MDGA2: variants seen among roughly 807,000 people sequenced by gnomAD.
The protein encoded by MDGA2 is MAM domain containing glycosylphosphatidylinositol anchor 2, also known as MAM domain-containing glycosylphosphatidylinositol anchor protein 2.
A neutral mutation model predicts 117.8 loss-of-function variants in MDGA2; 40 were observed. The ratio of observed to expected loss-of-function variants is 0.34; its 90% CI spans 0.26 to 0.44. The LOEUF (loss-of-function observed/expected upper bound fraction) is 0.44. Among genes scored for constraint, MDGA2 ranks in the 20% least tolerant of loss-of-function variants. The probability of loss-of-function intolerance (pLI) is 1.00; values close to 1 mark genes in which losing one functional copy is unlikely to be tolerated. For synonymous variants in MDGA2, 452 were observed against 439.0 expected (o/e 1.03, Z -0.37); for missense variants, 1,123 against 1,250.6 (o/e 0.90, Z 1.54).
chr14:47,210,014 A>G (rs980609185), intron 3 of MDGA2, among the ~76,000 whole-genome samples: 5 of 152,206 alleles, frequency 3.3e-5, no homozygotes, highest in African/African-American at 9.6e-5. Context: ...TTTTCTGTCT[A>G]AAAATCAAGT....
At chr14:47,110,671 A>C (rs1439216045) in intron 5 of MDGA2, among the ~76,000 whole-genome samples, 2 of 152,212 alleles carry the variant, frequency 1.3e-5, no homozygotes, top group African/African-American at 4.8e-5. Flanking sequence ...TGTTGAATAA[A>C]TTTAACTCTG....
chr14:47,409,694 G>C (rs1892331402), intron 1 of MDGA2, among the ~76,000 whole-genome samples: 1 of 152,080 alleles, frequency 6.6e-6, no homozygotes, highest in Non-Finnish European at 1.5e-5. Context: ...AAACCACCCA[G>C]ATGACACTTA....
In MDGA2 at chr14:47,507,139, TATC is replaced by T. The variant is rs1453471512; in HGVS notation, c.280+167375_280+167377del. On this transcript the variant is annotated intron_variant, in intron 1 of 16. Coordinates refer to ENST00000399232, the MANE Select transcript of MDGA2 (RefSeq NM_001113498.3). ...ACATGATAATATCAAATCTACTTAA[TATC>T]ATAAATGAAAATATAAAAGAGAACA... Among the ~76,000 whole-genome samples the T allele has an allele frequency of 2.6e-5, 4 of 152,140 alleles. No individual in the cohort carries two copies. The East Asian group carries it at 7.7e-4, about 29-fold the overall frequency.
intron 6 of MDGA2, among the ~76,000 whole-genome samples, chr14:47,086,080 T>C (rs1033767512): frequency 6.7e-6 from 1 of 148,774 alleles, no homozygotes; most frequent in Non-Finnish European, 1.5e-5. Context: ...GATTATGGAC[T>C]TTCAATGTGT....
intron 14 of MDGA2, among the ~76,000 whole-genome samples, chr14:46,870,709 C>T (rs946557694): frequency 6.6e-6 from 1 of 151,930 alleles, no homozygotes; most frequent in South Asian, 2.1e-4. Context: ...GAGAACTGTC[C>T]TCCTAATTTT....
At chr14:47,134,119 G>A (rs2139162997) in intron 4 of MDGA2, among the ~76,000 whole-genome samples, 1 of 152,006 alleles carries the variant, frequency 6.6e-6, no homozygotes, top group Admixed American at 6.6e-5. Flanking sequence ...TTATTCACTT[G>A]TTAAATACAT....
rs1555379645 is a variant in MDGA2, at chr14:47,400,761, T to TTCTTTC, written c.281-99212_281-99211insGAAAGA. ...TCTTTTTCTTTTCTTTTCTTTTCTT[T>TTCTTTC]TTTTTTTTTTTTTGAGACGGAGTCT... On this transcript the variant is annotated intron_variant, in intron 1 of 16. Coordinates refer to ENST00000399232, the MANE Select transcript of MDGA2 (RefSeq NM_001113498.3). Among the ~76,000 whole-genome samples the TTCTTTC allele has an allele frequency of 8.2e-5, 8 of 97,772 alleles. 1 individual carries two copies. Among genetic ancestry groups the TTCTTTC allele is most frequent in the Non-Finnish European group, 1.4e-4 (7 of 48,446 alleles). The allele number at this position is 97,772 out of a possible 152,430, so 64.1% of individuals were successfully genotyped here.
chr14:47,653,113 C>T (rs1302492092), intron 1 of MDGA2, among the ~76,000 whole-genome samples: 1 of 152,020 alleles, frequency 6.6e-6, no homozygotes, highest in Non-Finnish European at 1.5e-5. Flanking sequence ...CTTAGATGGA[C>T]AAGAAATAAT....
At chr14:47,393,327 C>T (rs1288488444) in intron 1 of MDGA2, among the ~76,000 whole-genome samples, 3 of 151,474 alleles carry the variant, frequency 2.0e-5, no homozygotes, top group African/African-American at 7.3e-5. Flanking sequence ...AAACCAGAAT[C>T]CCTATTTATT....
chr14:47,534,829 A>G (rs1371947597), intron 1 of MDGA2, among the ~76,000 whole-genome samples: 1 of 152,186 alleles, frequency 6.6e-6, no homozygotes, highest in Non-Finnish European at 1.5e-5. Flanking sequence ...AACTACAGTG[A>G]AACATATAAT....
chr14:47,374,929 C>T (rs989549169), intron 1 of MDGA2, among the ~76,000 whole-genome samples: 2 of 151,988 alleles, frequency 1.3e-5, no homozygotes, highest in African/African-American at 4.8e-5. Context: ...CTTATCCCTA[C>T]AACTAATCAT....
intron 2 of MDGA2, among the ~76,000 whole-genome samples, chr14:47,266,800 T>A (rs145248001): frequency 6.6e-6 from 1 of 152,314 alleles, no homozygotes; most frequent in Admixed American, 6.5e-5. Flanking sequence ...ACACTTCCAG[T>A]GTAATTTGAT....
chr14:47,585,338 G>C (rs1310492942), intron 1 of MDGA2, among the ~76,000 whole-genome samples: 1 of 151,708 alleles, frequency 6.6e-6, no homozygotes, highest in Non-Finnish European at 1.5e-5. Context: ...AATAATGATG[G>C]GTTACCACAG....
At chr14:47,103,990 G>A (rs1286285328) in intron 5 of MDGA2, among the ~76,000 whole-genome samples, 1 of 152,142 alleles carries the variant, frequency 6.6e-6, no homozygotes, top group African/African-American at 2.4e-5. Context: ...AACAAGAAGA[G>A]AAACAGCACA....
At chr14:46,845,721 T>G in intron 16 of MDGA2, 45 bp downstream of exon 16, 1 of 1,153,660 alleles carries the variant, frequency 8.7e-7, no homozygotes, top group Non-Finnish European at 1.3e-6. Context: ...AATAGTAATG[T>G]TACTTTAACG....
intron 1 of MDGA2, among the ~76,000 whole-genome samples, chr14:47,510,927 G>A (rs1894626433): frequency 7.0e-6 from 1 of 142,112 alleles, no homozygotes; most frequent in African/African-American, 2.6e-5. Context: ...TTTTTCTTTG[G>A]TACAGGCCTC....
chr14:47,062,000 T>C (rs1282508257), intron 6 of MDGA2, among the ~76,000 whole-genome samples: 1 of 152,026 alleles, frequency 6.6e-6, no homozygotes, highest in African/African-American at 2.4e-5. Flanking sequence ...ATTGTATAAT[T>C]TTCCAAACAA....
chr14:47,078,139 A>G (rs1339140842), intron 6 of MDGA2, among the ~76,000 whole-genome samples: 1 of 152,132 alleles, frequency 6.6e-6, no homozygotes, highest in Non-Finnish European at 1.5e-5. Context: ...TAAACATCAG[A>G]CCACAATGTC....
At chr14:47,516,464 T>G (rs1009701075) in intron 1 of MDGA2, among the ~76,000 whole-genome samples, 3 of 152,190 alleles carry the variant, frequency 2.0e-5, no homozygotes, top group Non-Finnish European at 2.9e-5. Context: ...AACCAGGTAC[T>G]AAATTACTAC....
Sources: gnomAD v4.1 joint callset for allele counts (sites outside exome capture counted in the v4.1 genomes callset) on GRCh38, gnomAD v4.1.1 for gene constraint, MANE v1.5 for transcripts, NCBI Gene and HGNC (gene_info 2026-07-23, HGNC 2026-07-21) for gene names.